The following SLC38A9 variants were observed in gnomAD, a reference collection of about 807,000 sequenced individuals.
SLC38A9 encodes the protein solute carrier family 38 member 9, also known as neutral amino acid transporter 9.
SLC38A9 carries 48 observed loss-of-function variants against 62.3 expected under a neutral mutation model. The ratio of observed to expected loss-of-function variants is 0.77; its 90% CI spans 0.61 to 0.98. The LOEUF is 0.98. Ranked by LOEUF, SLC38A9 falls within the 50% of genes least tolerant of loss-of-function variation. SLC38A9 has a pLI of 0.00. For synonymous variants in SLC38A9, 204 were observed against 227.7 expected (o/e 0.90, Z 0.94); for missense variants, 541 against 679.8 (o/e 0.80, Z 2.27).
At chr5:55,647,402 C>A (rs981412173) in intron 11 of SLC38A9, among the ~76,000 whole-genome samples, 2 of 152,194 alleles carry the variant, frequency 1.3e-5, no homozygotes, top group African/African-American at 4.8e-5. Flanking sequence ...AAACCCATCT[C>A]AGAGGATTCC....
chr5:55,682,353 A>G (rs1196997155), intron 3 of SLC38A9, among the ~76,000 whole-genome samples: 1 of 152,194 alleles, frequency 6.6e-6, no homozygotes, highest in Non-Finnish European at 1.5e-5. Context: ...CTGGTCATCA[A>G]TATTACATAT....
chr5:55,675,420 CAT>C (rs1751959934), intron 3 of SLC38A9: 2 of 150,472 alleles, frequency 1.3e-5, no homozygotes, highest in South Asian at 4.2e-4. Flanking sequence ...TTATTAGAAA[CAT>C]ATGCTTAAAG....
intron 4 of SLC38A9, among the ~76,000 whole-genome samples, 156 bp downstream of exon 4, chr5:55,672,407 G>A (rs1013060166): frequency 9.9e-5 from 15 of 152,204 alleles, no homozygotes; most frequent in African/African-American, 3.4e-4. Context: ...GGCCTGAGAT[G>A]TAGGATGTGT....
chr5:55,646,213 T>G (rs1003211303), intron 11 of SLC38A9, among the ~76,000 whole-genome samples: 1 of 152,140 alleles, frequency 6.6e-6, no homozygotes, highest in African/African-American at 2.4e-5. Context: ...TTGTCTTTAC[T>G]AAAAATACAA....
intron 11 of SLC38A9, 88 bp downstream of exon 11, chr5:55,649,119 A>G: frequency 2.1e-6 from 1 of 486,400 alleles, no homozygotes; most frequent in South Asian, 5.5e-5. Context: ...GCTCAGCATA[A>G]AAAAAAAATC....
chr5:55,627,853 A>G, intron 15 of SLC38A9, 38 bp downstream of exon 15: 1 of 1,249,088 alleles, frequency 8.0e-7, no homozygotes, highest in Non-Finnish European at 1.2e-6. Flanking sequence ...AATAAAGACC[A>G]ATATATGTAA....
intron 14 of SLC38A9, among the ~76,000 whole-genome samples, chr5:55,632,180 G>T (rs187842066): frequency 1.3e-3 from 191 of 152,290 alleles, no homozygotes; most frequent in Admixed American, 3.3e-3. Flanking sequence ...GCTCACGCCG[G>T]TAATCCCAGC....
intron 3 of SLC38A9, among the ~76,000 whole-genome samples, chr5:55,694,909 C>A (rs942090943): frequency 6.6e-6 from 1 of 152,088 alleles, no homozygotes; most frequent in Non-Finnish European, 1.5e-5. Context: ...TGCGCCACCA[C>A]GCCCAGCTAA....
chr5:55,646,387 T>C (rs1423894867), intron 11 of SLC38A9, among the ~76,000 whole-genome samples: 1 of 152,030 alleles, frequency 6.6e-6, no homozygotes, highest in Non-Finnish European at 1.5e-5. Context: ...AAAAGTATAC[T>C]CTGTGCAGGT....
At chr5:55,676,151 G>T (rs1417794746) in intron 3 of SLC38A9, among the ~76,000 whole-genome samples, 4 of 152,130 alleles carry the variant, frequency 2.6e-5, no homozygotes, top group African/African-American at 9.7e-5. Flanking sequence ...TTGGATGGGT[G>T]TTGGCTTTAT....
chr5:55,676,321 G>A (rs879611559), intron 3 of SLC38A9, among the ~76,000 whole-genome samples: 1 of 151,948 alleles, frequency 6.6e-6, no homozygotes, highest in Non-Finnish European at 1.5e-5. Flanking sequence ...GACCACAGGC[G>A]TACACCACCA....
intron 14 of SLC38A9, 39 bp from the exon 15 acceptor site, chr5:55,628,019 A>C: frequency 7.1e-7 from 1 of 1,409,696 alleles, no homozygotes; most frequent in Non-Finnish European, 1.0e-6. Flanking sequence ...AAGAAAAAAT[A>C]TAAAAATAGG....
chr5:55,707,318 T>C (rs1205934410), intron 2 of SLC38A9, among the ~76,000 whole-genome samples: 1 of 152,210 alleles, frequency 6.6e-6, no homozygotes, highest in Non-Finnish European at 1.5e-5. Flanking sequence ...AGTTTATCAA[T>C]GATTAACAAA....
intron 3 of SLC38A9, among the ~76,000 whole-genome samples, chr5:55,682,906 C>T (rs76902967): frequency 0.1 from 15,203 of 148,708 alleles, 849 homozygotes; most frequent in East Asian, 0.2. Context: ...GTCTGGCAAA[C>T]AGAAGGAACA....
chr5:55,710,352 C>G (rs1016622039), intron 2 of SLC38A9, among the ~76,000 whole-genome samples: 1 of 150,964 alleles, frequency 6.6e-6, no homozygotes, highest in Non-Finnish European at 1.5e-5. Context: ...ACAGATGAGA[C>G]GCATACCACC....
At chr5:55,645,356 A>G (rs1036175491) in intron 12 of SLC38A9, among the ~76,000 whole-genome samples, 2 of 152,190 alleles carry the variant, frequency 1.3e-5, no homozygotes, top group Non-Finnish European at 2.9e-5. Context: ...CGCCCAGGGT[A>G]TCTTTAAAAG....
At chr5:55,702,008 TAC>T (rs1213946780) in intron 2 of SLC38A9, among the ~76,000 whole-genome samples, 7 of 152,220 alleles carry the variant, frequency 4.6e-5, no homozygotes, top group African/African-American at 7.2e-5. Flanking sequence ...ACTTAACAAG[TAC>T]AGTTTTATTG....
intron 2 of SLC38A9, among the ~76,000 whole-genome samples, chr5:55,710,262 G>T (rs1757842269): frequency 6.7e-6 from 1 of 148,352 alleles, no homozygotes; most frequent in African/African-American, 2.5e-5. Context: ...GAGTGCAGTG[G>T]TGCAGTCTTG....
chr5:55,689,098 T>C (rs1220863532), intron 3 of SLC38A9, among the ~76,000 whole-genome samples: 1 of 152,176 alleles, frequency 6.6e-6, no homozygotes, highest in Non-Finnish European at 1.5e-5. Flanking sequence ...AAAATAACCT[T>C]AGTTGAAGTA....
Sources: allele counts gnomAD v4.1 joint callset (sites outside exome capture counted in the v4.1 genomes callset), GRCh38; gene constraint gnomAD v4.1.1; transcripts MANE v1.5; gene names NCBI Gene and HGNC (gene_info 2026-07-23, HGNC 2026-07-21).